Variants in ATP6V1C1 observed in about 807,000 individuals in gnomAD.
ATP6V1C1 encodes the protein V-type proton ATPase subunit C 1.
ATP6V1C1 carries 45 observed loss-of-function variants against 53.9 expected under a neutral mutation model. The observed-to-expected ratio is 0.83, with a 90% CI of 0.66 to 1.07. ATP6V1C1 has a LOEUF of 1.07. Among genes scored for constraint, ATP6V1C1 ranks in the 50% least tolerant of loss-of-function variants. The pLI, the probability that ATP6V1C1 is intolerant of heterozygous loss-of-function variation, is 0.00. For missense variants in ATP6V1C1, 315 were observed against 440.3 expected, an observed-to-expected ratio of 0.72 and a Z score of 2.55; for synonymous variants, 153 against 155.2, an observed-to-expected ratio of 0.99 and a Z score of 0.11.
chr8:103,027,682 C>T (rs1351166701), intron 1 of ATP6V1C1, among the ~76,000 whole-genome samples: 5 of 151,270 alleles, frequency 3.3e-5, no homozygotes, highest in African/African-American at 9.7e-5. Context: ...TTTTCCCTTC[C>T]ATGTTGAAAA....
intron 4 of ATP6V1C1, among the ~76,000 whole-genome samples, chr8:103,050,324 G>C (rs1471461095): frequency 6.6e-6 from 1 of 152,216 alleles, no homozygotes; most frequent in Non-Finnish European, 1.5e-5. Flanking sequence ...AAGAGGGGCA[G>C]TGCATCTAGA....
At chr8:103,063,408 A>G (rs1817437605) in intron 10 of ATP6V1C1, 180 bp downstream of exon 10, 1 of 510,374 alleles carries the variant, frequency 2.0e-6, no homozygotes, top group Middle Eastern at 5.2e-4. Context: ...TCTAGAGATA[A>G]CTATTCTATT....
chr8:103,024,944 C>A (rs1389592913), intron 1 of ATP6V1C1, among the ~76,000 whole-genome samples: 1 of 151,796 alleles, frequency 6.6e-6, no homozygotes, highest in African/African-American at 2.4e-5. Flanking sequence ...GGTTACTATG[C>A]ATTTATTGAG....
At chr8:103,057,946 G>T (rs1817319169) in intron 8 of ATP6V1C1, among the ~76,000 whole-genome samples, 1 of 152,056 alleles carries the variant, frequency 6.6e-6, no homozygotes, top group African/African-American at 2.4e-5. Context: ...GATACTGACA[G>T]ATCTTTAGGG....
Position 103,029,738 on chromosome 8 carries a change from AT to A in ATP6V1C1, c.-40+8525del, listed in dbSNP as rs1011441730. 4.7e-4 allele frequency among the ~76,000 whole-genome samples: 67 copies of A among 143,868 alleles called. 1 individual carries two copies. Among genetic ancestry groups the A allele is most frequent in the African/African-American group, 8.5e-4 (31 of 36,438 alleles). 94.4% of individuals were successfully genotyped at this position (143,868 alleles called of 152,430 possible). ...TCATGCTTTATTTTATTTAAAAAAAATTTTTTTTTTTTGAGATGGAGTCTTG... is the reference window on the plus strand; with the variant it reads ...TCATGCTTTATTTTATTTAAAAAAAATTTTTTTTTTTGAGATGGAGTCTTG... On this transcript the variant is annotated intron_variant, in intron 1 of 12. Transcript: ENST00000518738.
intron 3 of ATP6V1C1, among the ~76,000 whole-genome samples, chr8:103,046,709 A>G (rs1188768416): frequency 6.6e-6 from 1 of 152,162 alleles, no homozygotes; most frequent in Admixed American, 6.5e-5. Flanking sequence ...GGTAGTATTG[A>G]CAGATGATAG....
chr8:103,032,362 C>T (rs1816813898), intron 1 of ATP6V1C1, among the ~76,000 whole-genome samples: 1 of 152,202 alleles, frequency 6.6e-6, no homozygotes, highest in African/African-American at 2.4e-5. Context: ...AGGCCAAGAA[C>T]ACTAAGTGTT....
chr8:103,043,518 A>G (rs1458142881), intron 3 of ATP6V1C1, among the ~76,000 whole-genome samples: 1 of 150,622 alleles, frequency 6.6e-6, no homozygotes, highest in Non-Finnish European at 1.5e-5. Context: ...TTTTTAGTAG[A>G]GACGGGGTTT....
intron 3 of ATP6V1C1, among the ~76,000 whole-genome samples, chr8:103,048,640 T>C (rs1817147082): frequency 6.6e-6 from 1 of 152,258 alleles, no homozygotes; most frequent in Non-Finnish European, 1.5e-5. Flanking sequence ...ACATTGCATG[T>C]AGTCTCCTTA....
intron 1 of ATP6V1C1, among the ~76,000 whole-genome samples, chr8:103,028,750 T>C (rs1054596180): frequency 6.6e-6 from 1 of 152,208 alleles, no homozygotes; most frequent in African/African-American, 2.4e-5. Flanking sequence ...GGCGATTACA[T>C]TGTGCTTCCT....
Position 103,069,154 on chromosome 8 carries a change from A to G in ATP6V1C1, c.*407A>G, listed in dbSNP as rs1424112179. On this transcript the variant is annotated 3_prime_UTR_variant, in exon 13 of 13. Coordinates refer to ENST00000518738, the MANE Select transcript of ATP6V1C1 (RefSeq NM_001695.5). ...TGTATTTAGTAGACATAACTGTTGAATAGTTACTGAATCATGATGTAAAGA... is the reference window on the plus strand; with the variant it reads ...TGTATTTAGTAGACATAACTGTTGAGTAGTTACTGAATCATGATGTAAAGA... 6.6e-6 allele frequency: 1 copy of G among 152,478 alleles called. No homozygotes were observed. The highest frequency in any genetic ancestry group is 2.4e-5 in the African/African-American group (1 of 41,458). 9.4% of individuals were successfully genotyped at this position (152,478 alleles called of 1,614,324 possible).
At chr8:103,059,742 C>A (rs1182113504) in intron 8 of ATP6V1C1, among the ~76,000 whole-genome samples, 2 of 151,724 alleles carry the variant, frequency 1.3e-5, no homozygotes, top group African/African-American at 4.8e-5. Context: ...GGTAATTGAC[C>A]CTAGCTGGTC....
intron 10 of ATP6V1C1, among the ~76,000 whole-genome samples, chr8:103,063,862 G>A (rs953755124): frequency 2.0e-5 from 3 of 152,124 alleles, no homozygotes; most frequent in Non-Finnish European, 4.4e-5. Context: ...TAATGTAAGA[G>A]GAAATTAAGG....
At position 103,063,248 on chromosome 8, in the gene ATP6V1C1, A is replaced by G. The variant is rs921614909; in HGVS notation, c.828+20A>G. 14 of 1,479,784 alleles carry G rather than the reference A, an allele frequency of 9.5e-6. No individual in the cohort carries two copies. The highest frequency in any genetic ancestry group is 1.3e-5 in the Non-Finnish European group (14 of 1,068,814). 91.7% of individuals were successfully genotyped at this position (1,479,784 alleles called of 1,614,324 possible). On this transcript the variant is annotated intron_variant, in intron 10 of 12. Transcript: ENST00000518738. ...CAATTTGTATGTGTTTTTAATATTT[A>G]GTATTATCAGTACTAAGCAGAAGAA...
At chr8:103,047,430 G>GCGCACACA (rs1491170438) in intron 3 of ATP6V1C1, among the ~76,000 whole-genome samples, 26 of 104,946 alleles carry the variant, frequency 2.5e-4, no homozygotes, top group African/African-American at 8.0e-4. Context: ...AAATGCGCGC[G>GCGCACACA]CACACACACA....
At chr8:103,032,214 A>G (rs1233535514) in intron 1 of ATP6V1C1, among the ~76,000 whole-genome samples, 1 of 152,200 alleles carries the variant, frequency 6.6e-6, no homozygotes, top group Non-Finnish European at 1.5e-5. Flanking sequence ...TTTTTTAAAA[A>G]CTGGGCAAAA....
At chr8:103,033,255 C>T (rs1816830071) in intron 1 of ATP6V1C1, among the ~76,000 whole-genome samples, 1 of 152,142 alleles carries the variant, frequency 6.6e-6, no homozygotes, top group African/African-American at 2.4e-5. Flanking sequence ...TTGGTTTTGA[C>T]AGTGCTCACA....
chr8:103,052,877 C>A, intron 6 of ATP6V1C1, 55 bp downstream of exon 6: 2 of 1,076,484 alleles, frequency 1.9e-6, no homozygotes, highest in Non-Finnish European at 1.3e-6. Context: ...TACTAGCATG[C>A]ACCGAAGGAG....
chr8:103,042,448 C>T (rs779822181), intron 3 of ATP6V1C1, 41 bp downstream of exon 3: 1 of 1,574,386 alleles, frequency 6.4e-7, no homozygotes, highest in African/African-American at 1.4e-5. Flanking sequence ...AAATGGGAGA[C>T]ACTATTATCA....
Sources: allele counts gnomAD v4.1 joint callset (sites outside exome capture counted in the v4.1 genomes callset), GRCh38; gene constraint gnomAD v4.1.1; transcripts MANE v1.5; gene names NCBI Gene and HGNC (gene_info 2026-07-23, HGNC 2026-07-21).